Variants in COL4A4 observed in about 807,000 individuals in gnomAD.
COL4A4 encodes collagen type IV alpha 4 chain, also known as collagen alpha-4(IV) chain.
In COL4A4, 105 loss-of-function variants were observed where a neutral mutation model predicts 192.9. That is an observed-to-expected ratio of 0.54 (90% CI 0.46 to 0.64). COL4A4 has a LOEUF of 0.64. Ranked by LOEUF, COL4A4 falls within the 30% of genes least tolerant of loss-of-function variation. COL4A4 has a pLI of 0.00. For missense variants in COL4A4, 1,967 were observed against 2,169.3 expected, an observed-to-expected ratio of 0.91 and a Z score of 1.85; for synonymous variants, 762 against 769.9, an observed-to-expected ratio of 0.99 and a Z score of 0.17.
chr2:227,161,864 G>T (rs185461437), intron 1 of COL4A4, among the ~76,000 whole-genome samples: 1 of 151,698 alleles, frequency 6.6e-6, no homozygotes, highest in African/African-American at 2.4e-5. Flanking sequence ...AGCCATTTTA[G>T]TACTGAGCTC....
At chr2:227,001,829 T>TATCA (rs562009532), downstream of COL4A4, among the ~76,000 whole-genome samples, 370 of 152,286 alleles carry the variant, frequency 2.4e-3, 3 homozygotes, top group African/African-American at 8.3e-3. Flanking sequence ...CTTATTTCTC[T>TATCA]ATCAGGTAAA....
intron 1 of COL4A4, among the ~76,000 whole-genome samples, chr2:227,148,022 G>T (rs1405679221): frequency 6.6e-6 from 1 of 151,798 alleles, no homozygotes; most frequent in Non-Finnish European, 1.5e-5. Flanking sequence ...TTGTATATTT[G>T]TACACATACA....
chr2:227,064,039 A>G (rs1425062761), intron 25 of COL4A4, among the ~76,000 whole-genome samples: 1 of 152,198 alleles, frequency 6.6e-6, no homozygotes, highest in Non-Finnish European at 1.5e-5. Context: ...TTATGTAGCT[A>G]TTATGCCATA....
intron 9 of COL4A4, among the ~76,000 whole-genome samples, chr2:227,110,680 CTTTTT>C (rs34785989): frequency 1.1e-5 from 1 of 94,286 alleles, no homozygotes; most frequent in African/African-American, 4.3e-5. Context: ...CTCACCCAGT[CTTTTT>C]TTTTTTTTTT....
intron 17 of COL4A4, among the ~76,000 whole-genome samples, chr2:227,100,784 G>C (rs2060465822): frequency 6.6e-6 from 1 of 151,562 alleles, no homozygotes; most frequent in Non-Finnish European, 1.5e-5. Flanking sequence ...TGAATTATGG[G>C]GGGTGGGTCT....
At chr2:227,088,866 C>T in intron 21 of COL4A4, 50 bp from the exon 22 acceptor site, 1 of 1,596,150 alleles carries the variant, frequency 6.3e-7, no homozygotes, top group Non-Finnish European at 8.6e-7. Context: ...AATAAAATCC[C>T]CAATAAGGGC....
At chr2:227,059,323 A>T in intron 28 of COL4A4, 82 bp downstream of exon 28, 3 of 1,206,518 alleles carry the variant, frequency 2.5e-6, no homozygotes, top group Non-Finnish European at 3.7e-6. Flanking sequence ...TGCCTAAAGC[A>T]AAATAATCTA....
At chr2:227,046,549 C>T (rs1350098760) in intron 35 of COL4A4, among the ~76,000 whole-genome samples, 3 of 151,948 alleles carry the variant, frequency 2.0e-5, no homozygotes, top group Non-Finnish European at 4.4e-5. Context: ...CAGATAAATT[C>T]CTAAGAGAAT....
the COL4A4 span, among the ~76,000 whole-genome samples, chr2:226,969,784 C>T: frequency 4.6e-5 from 7 of 152,124 alleles, no homozygotes; most frequent in Non-Finnish European, 1.5e-5. Flanking sequence ...TGTTTGAAGT[C>T]ATTTTAGAGT....
intron 35 of COL4A4, among the ~76,000 whole-genome samples, chr2:227,046,823 C>G (rs975847121): frequency 3.9e-5 from 6 of 151,964 alleles, no homozygotes; most frequent in African/African-American, 1.5e-4. Flanking sequence ...TCTAATGTAG[C>G]CAGTTGTGGC....
intron 44 of COL4A4, among the ~76,000 whole-genome samples, chr2:227,015,271 A>T (rs1003944018): frequency 1.2e-4 from 18 of 152,184 alleles, no homozygotes; most frequent in Admixed American, 2.6e-4. Flanking sequence ...CGTATAAGTA[A>T]GATATCATTA....
chr2:227,060,101 GAAAAAAA>G lies in COL4A4; in HGVS notation c.2164+28_2164+34del, dbSNP rs71422223. On this transcript the variant is annotated intron_variant, in intron 27 of 47. Transcript: ENST00000396625. ...GTTCCTGATAGATATTCCCAAAGCA[GAAAAAAA>G]AAAAAAAAAAAAAAAAACCTCACTG... The G allele has an allele frequency of 2.7e-4, 136 of 505,730 alleles. 1 individual carries two copies. In the African/African-American group the frequency reaches 4.1e-3, roughly 15 times the overall value. 31.3% of individuals were successfully genotyped at this position (505,730 alleles called of 1,614,324 possible). A position where few individuals can be genotyped will look rare whatever the true frequency, so the allele number is the denominator to read the frequency against.
At chr2:226,973,369 G>A in the COL4A4 span, among the ~76,000 whole-genome samples, 4 of 152,216 alleles carry the variant, frequency 2.6e-5, no homozygotes, top group Non-Finnish European at 4.4e-5. Flanking sequence ...CAAGAAGTGG[G>A]TGCCTGGGGG....
the COL4A4 span, chr2:226,996,381 A>C: frequency 6.6e-6 from 1 of 152,372 alleles, no homozygotes; most frequent in Non-Finnish European, 1.5e-5. Context: ...AGTGCCTCTT[A>C]ATTGGCCATT....
chr2:227,060,121 A>C lies in COL4A4; in HGVS notation c.2164+15T>G, dbSNP rs1397578144. On this transcript the variant is annotated intron_variant, in intron 27 of 47. Coordinates refer to ENST00000396625, the MANE Select transcript of COL4A4 (RefSeq NM_000092.5). Reference sequence around the variant, plus strand: ...AAGCAGAAAAAAAAAAAAAAAAAAAAAAAACCTCACTGACCAGGTGGACCT... The same window carrying C: ...AAGCAGAAAAAAAAAAAAAAAAAAACAAAACCTCACTGACCAGGTGGACCT... The C allele has an allele frequency of 2.1e-6, 3 of 1,415,136 alleles. No homozygotes were observed. The highest frequency in any genetic ancestry group is 1.5e-5 in the African/African-American group (1 of 68,594). The allele number at this position is 1,415,136 out of a possible 1,614,324, so 87.7% of individuals were successfully genotyped here.
chr2:227,114,142 A>G (rs956665228), intron 8 of COL4A4, among the ~76,000 whole-genome samples: 3 of 152,234 alleles, frequency 2.0e-5, no homozygotes, highest in African/African-American at 7.2e-5. Context: ...AAGTACTAAT[A>G]TTACAATGTT....
chr2:226,977,173 G>T, the COL4A4 span, among the ~76,000 whole-genome samples: 1 of 152,200 alleles, frequency 6.6e-6, no homozygotes, highest in Non-Finnish European at 1.5e-5. Context: ...AGAAGTCAAG[G>T]AGCATCATTG....
rs1009195651 is a variant in COL4A4, at chr2:227,003,718, C to G, written c.*3607G>C. 4 of 152,174 alleles carry G rather than the reference C, an allele frequency of 2.6e-5. No individual in the cohort carries two copies. Among genetic ancestry groups the G allele is most frequent in the Non-Finnish European group, 5.9e-5 (4 of 68,034 alleles). The allele number at this position is 152,174 out of a possible 1,614,324, so 9.4% of individuals were successfully genotyped here. On this transcript the variant is annotated 3_prime_UTR_variant, in exon 48 of 48. Transcript: ENST00000396625. ...AGCAAAGATTTTATGCTAGGAAGCT[C>G]TTAAATCCTGAGGGAATACAGATTA...
At position 227,003,243 on chromosome 2, in the gene COL4A4, C is replaced by T. The variant is rs1326690266; in HGVS notation, c.*4082G>A. 4 of 152,106 alleles carry T rather than the reference C, an allele frequency of 2.6e-5. No homozygotes were observed. Among genetic ancestry groups the T allele is most frequent in the South Asian group, 2.1e-4 (1 of 4,820 alleles). The allele number at this position is 152,106 out of a possible 1,614,324, so 9.4% of individuals were successfully genotyped here. ...TGTGTAAAAAAAAAGAAATATTTTT[C>T]GTATTAGTTTATTTTAAATACAAAA... On this transcript the variant is annotated 3_prime_UTR_variant, in exon 48 of 48. Transcript: ENST00000396625.
Sources: gnomAD v4.1 joint callset for allele counts (sites outside exome capture counted in the v4.1 genomes callset) on GRCh38, gnomAD v4.1.1 for gene constraint, MANE v1.5 for transcripts, NCBI Gene and HGNC (gene_info 2026-07-23, HGNC 2026-07-21) for gene names.